The following B3GNT5 variants were observed in gnomAD, a reference collection of about 807,000 sequenced individuals.
The protein encoded by B3GNT5 is lactosylceramide 1,3-N-acetyl-beta-D-glucosaminyltransferase.
A neutral mutation model predicts 25.9 loss-of-function variants in B3GNT5; 11 were observed. The ratio of observed to expected loss-of-function variants is 0.42; its 90% CI spans 0.27 to 0.70. The LOEUF is 0.70. B3GNT5 is among the 30% of genes least tolerant of loss of function. The pLI, the probability that B3GNT5 is intolerant of heterozygous loss-of-function variation, is 0.23. For missense variants in B3GNT5, 385 were observed against 458.4 expected, an observed-to-expected ratio of 0.84 and a Z score of 1.46; for synonymous variants, 166 against 158.6, an observed-to-expected ratio of 1.05 and a Z score of -0.35.
At chr3:183,259,477 T>C (rs979510144) in intron 1 of B3GNT5, among the ~76,000 whole-genome samples, 2 of 152,194 alleles carry the variant, frequency 1.3e-5, no homozygotes, top group Admixed American at 1.3e-4. Context: ...TCATCAGGTT[T>C]ACTTCTTACG....
Position 183,272,650 on chromosome 3 carries a change from T to C in B3GNT5, c.*1715T>C, listed in dbSNP as rs541750476. The C allele has an allele frequency of 1.1e-5, 11 of 1,002,192 alleles. No individual in the cohort carries two copies. The highest frequency in any genetic ancestry group is 1.1e-4 in the East Asian group (1 of 8,882). The allele number at this position is 1,002,192 out of a possible 1,614,324, so 62.1% of individuals were successfully genotyped here. On this transcript the variant is annotated 3_prime_UTR_variant, in exon 2 of 2. Transcript: ENST00000326505. ...TACTTTCAGAGTAGATACAGGGTTTTAGATCATTACAGTTTAAGTTTTCTG... is the reference window on the plus strand; with the variant it reads ...TACTTTCAGAGTAGATACAGGGTTTCAGATCATTACAGTTTAAGTTTTCTG...
chr3:183,271,109 C>A lies in B3GNT5; in HGVS notation c.*174C>A. 1 of 528,990 alleles carries A rather than the reference C, an allele frequency of 1.9e-6. No homozygotes were observed. 32.8% of individuals were successfully genotyped at this position (528,990 alleles called of 1,614,324 possible). ...GAAGCTGTTTAATATCACTTATCTA[C>A]TTCATTGCCTAAGTTCATTTCAAAG... On this transcript the variant is annotated 3_prime_UTR_variant, in exon 2 of 2. Coordinates refer to ENST00000326505, the MANE Select transcript of B3GNT5 (RefSeq NM_032047.5).
intron 1 of B3GNT5, among the ~76,000 whole-genome samples, chr3:183,268,825 G>C (rs1726418575): frequency 6.6e-6 from 1 of 152,196 alleles, no homozygotes. Context: ...TACAAAGGCA[G>C]TGCTTGTTGG....
rs575811988 is a variant in B3GNT5 at position 183,255,929 on chromosome 3, G to A, written c.-302+2457G>A. ...ATGGGTCACTTTGGCTAGAATCATT[G>A]CACTTGGTGACTTTCACATTGTAAA... is the stretch of plus-strand genomic sequence containing the variant. On this transcript the variant is annotated intron_variant, in intron 1 of 1. Coordinates refer to ENST00000326505, the MANE Select transcript of B3GNT5 (RefSeq NM_032047.5). Among the ~76,000 whole-genome samples the A allele has an allele frequency of 9.2e-5, 14 of 152,154 alleles. No homozygotes were observed. The South Asian group carries it at 2.7e-3, about 29-fold the overall frequency.
intron 1 of B3GNT5, among the ~76,000 whole-genome samples, chr3:183,258,979 C>A (rs549700818): frequency 6.6e-6 from 1 of 152,174 alleles, no homozygotes; most frequent in African/African-American, 2.4e-5. Context: ...TTGTTTAGTG[C>A]ATAATGACAA....
At position 183,269,717 on chromosome 3, in the gene B3GNT5, T is replaced by A; in HGVS notation, c.-82T>A. 1 of 1,293,430 alleles carries A rather than the reference T, an allele frequency of 7.7e-7. No individual in the cohort carries two copies. Among genetic ancestry groups the A allele is most frequent in the Non-Finnish European group, 1.1e-6 (1 of 933,618 alleles). The allele number at this position is 1,293,430 out of a possible 1,614,324, so 80.1% of individuals were successfully genotyped here. On this transcript the variant is annotated 5_prime_UTR_variant, in exon 2 of 2. Transcript: ENST00000326505. The stretch of plus-strand genomic sequence containing the variant: ...CATGTATTAAGATGGACACCTACTC[T>A]ACGAAACACGAAGTTCTATGGTCTC...
In B3GNT5 at chr3:183,269,795, G is replaced by T; in HGVS notation, c.-4G>T. On this transcript the variant is annotated 5_prime_UTR_variant, in exon 2 of 2. Coordinates refer to ENST00000326505, the MANE Select transcript of B3GNT5 (RefSeq NM_032047.5). ...ATCCTAACTAAAAACAGACTTGAGT[G>T]GATATGAGAATGTTGGTTAGTGGCA... 6.3e-7 allele frequency: 1 copy of T among 1,597,308 alleles called. No individual in the cohort carries two copies. Among genetic ancestry groups the T allele is most frequent in the South Asian group, 1.1e-5 (1 of 87,294 alleles).
rs1726689140 is a variant in B3GNT5, at chr3:183,270,693, G to A, written c.895G>A (p.Asp299Asn). 1 of 1,613,844 alleles carries A rather than the reference G, an allele frequency of 6.2e-7. No homozygotes were observed. Among genetic ancestry groups the A allele is most frequent in the Non-Finnish European group, 8.5e-7 (1 of 1,179,928 alleles). Residue 299 changes from aspartate to asparagine, a missense_variant, in exon 2 of 2, where the codon GAC becomes AAC. Physicochemically the swap from Asp to Asn is conservative, Grantham distance 23 (BLOSUM62 1). Coordinates refer to ENST00000326505, the MANE Select transcript of B3GNT5 (RefSeq NM_032047.5). The surrounding 1 kb of genome is among the most constrained non-coding windows in gnomAD (Gnocchi z 4.5). Reference sequence around the variant, plus strand: ...CAATAAAATAGGGATAGTACCGCAGGACCATGTGTTTTTTTCTGGAGAGGG... The same window carrying A: ...CAATAAAATAGGGATAGTACCGCAGAACCATGTGTTTTTTTCTGGAGAGGG... ...CANKIGIVPQDHVFFSGEGKT... is the reference protein window; with the variant it reads ...CANKIGIVPQNHVFFSGEGKT...
In B3GNT5 at chr3:183,270,132, G is replaced by C. The variant is rs751850381; in HGVS notation, c.334G>C (p.Gly112Arg). 1 of 1,614,062 alleles carries C rather than the reference G, an allele frequency of 6.2e-7. No individual in the cohort carries two copies. ...ACGTTCCGGAATTAGAAGGACGTGG[G>C]GCAATGAAAATTATGTTCGGTCTCA... ...DRRSGIRRTW[G>R]NENYVRSQLN... The change falls in exon 2 of 2, where the codon GGC becomes CGC. Residue 112 changes from glycine to arginine, a missense_variant. Transcript: ENST00000326505. The surrounding 1 kb of genome is among the most constrained non-coding windows in gnomAD (Gnocchi z 4.5).
intron 1 of B3GNT5, among the ~76,000 whole-genome samples, chr3:183,264,051 C>G (rs1211564690): frequency 6.6e-6 from 1 of 152,080 alleles, no homozygotes; most frequent in Non-Finnish European, 1.5e-5. Context: ...CCAGTTTAAT[C>G]CCTCTTGCTC....
Position 183,263,899 on chromosome 3 carries a change from C to G in B3GNT5, c.-301-5599C>G, listed in dbSNP as rs573403373. ...TAGGTCTTTGATTTTCTTGAAAGGGCCTTCTTTATGCCTTCCTTCCGTCCC... is the reference window on the plus strand; with the variant it reads ...TAGGTCTTTGATTTTCTTGAAAGGGGCTTCTTTATGCCTTCCTTCCGTCCC... On this transcript the variant is annotated intron_variant, in intron 1 of 1. Coordinates refer to ENST00000326505, the MANE Select transcript of B3GNT5 (RefSeq NM_032047.5). 2.0e-5 allele frequency among the ~76,000 whole-genome samples: 3 copies of G among 152,230 alleles called. No homozygotes were observed. The East Asian group carries it at 5.8e-4, about 29-fold the overall frequency.
Position 183,272,119 on chromosome 3 carries a change from AG to A in B3GNT5, c.*1185del. The A allele has an allele frequency of 1.0e-6, 1 of 998,430 alleles. No homozygotes were observed. Among genetic ancestry groups the A allele is most frequent in the Non-Finnish European group, 1.2e-6 (1 of 828,274 alleles). The allele number at this position is 998,430 out of a possible 1,614,324, so 61.8% of individuals were successfully genotyped here. On this transcript the variant is annotated 3_prime_UTR_variant, in exon 2 of 2. Transcript: ENST00000326505. ...AAACAGAGTAAAAAAGTGATAGAAAAGTTGCCAGTTTGGGGTTAAAGCATTT... is the reference window on the plus strand; with the variant it reads ...AAACAGAGTAAAAAAGTGATAGAAAATTGCCAGTTTGGGGTTAAAGCATTT...
chr3:183,259,013 C>A (rs1350982025), intron 1 of B3GNT5, among the ~76,000 whole-genome samples: 1 of 152,200 alleles, frequency 6.6e-6, no homozygotes, highest in Non-Finnish European at 1.5e-5. Context: ...ATGTTCAGTA[C>A]AGACACGACC....
chr3:183,257,231 A>C (rs1414142866), intron 1 of B3GNT5, among the ~76,000 whole-genome samples: 1 of 152,214 alleles, frequency 6.6e-6, no homozygotes, highest in Admixed American at 6.5e-5. Flanking sequence ...AGACAAGTCG[A>C]GCTCATGTGA....
Position 183,271,124 on chromosome 3 carries a change from T to C in B3GNT5, c.*189T>C, listed in dbSNP as rs1726738482. The C allele has an allele frequency of 4.1e-6, 2 of 486,298 alleles. No homozygotes were observed. Among genetic ancestry groups the C allele is most frequent in the Admixed American group, 4.0e-5 (1 of 24,902 alleles). The allele number at this position is 486,298 out of a possible 1,614,324, so 30.1% of individuals were successfully genotyped here. On this transcript the variant is annotated 3_prime_UTR_variant, in exon 2 of 2. Coordinates refer to ENST00000326505, the MANE Select transcript of B3GNT5 (RefSeq NM_032047.5). ...CACTTATCTACTTCATTGCCTAAGT[T>C]CATTTCAAAGAATTTGTATTTAGAA...
chr3:183,269,230 C>CTTTTTTTGTTTTTT (rs1726470167), intron 1 of B3GNT5, among the ~76,000 whole-genome samples: 1 of 81,030 alleles, frequency 1.2e-5, no homozygotes, highest in African/African-American at 6.4e-5. Context: ...GTTTGGGAAG[C>CTTTTTTTGTTTTTT]TTTTTTTTTT....
Position 183,269,664 on chromosome 3 carries a change from TAAG to T in B3GNT5, c.-130_-128del, listed in dbSNP as rs570132451. 2.9e-4 allele frequency: 223 copies of T among 779,366 alleles called. 7 individuals carry two copies. In the South Asian group the frequency reaches 4.5e-3, roughly 16 times the overall value. 48.3% of individuals were successfully genotyped at this position (779,366 alleles called of 1,614,324 possible). A position where few individuals can be genotyped will look rare whatever the true frequency, so the allele number is the denominator to read the frequency against. On this transcript the variant is annotated 5_prime_UTR_variant, in exon 2 of 2. Transcript: ENST00000326505. Reference sequence around the variant, plus strand: ...GACTAAAAGAAACTATTTTGTAAAATAAGAAGACTTCCATTTTTAATGACCAAC... The same window carrying T: ...GACTAAAAGAAACTATTTTGTAAAATAAGACTTCCATTTTTAATGACCAAC...
At position 183,271,083 on chromosome 3, in the gene B3GNT5, A is replaced by G. The variant is rs1013027680; in HGVS notation, c.*148A>G. The G allele has an allele frequency of 9.9e-6, 7 of 709,704 alleles. No homozygotes were observed. Among genetic ancestry groups the G allele is most frequent in the Non-Finnish European group, 1.5e-5 (7 of 454,644 alleles). 44.0% of individuals were successfully genotyped at this position (709,704 alleles called of 1,614,324 possible). Reference sequence around the variant, plus strand: ...TCCATCAGAATGTTTCTTTGATTCTAGAAGCTGTTTAATATCACTTATCTA... The same window carrying G: ...TCCATCAGAATGTTTCTTTGATTCTGGAAGCTGTTTAATATCACTTATCTA... On this transcript the variant is annotated 3_prime_UTR_variant, in exon 2 of 2. Transcript: ENST00000326505.
At chr3:183,256,861 C>T (rs535666208) in intron 1 of B3GNT5, among the ~76,000 whole-genome samples, 1 of 152,068 alleles carries the variant, frequency 6.6e-6, no homozygotes, top group East Asian at 1.9e-4. Flanking sequence ...ACCGTTATTC[C>T]ATTAATGGAA....
Sources: allele counts gnomAD v4.1 joint callset (sites outside exome capture counted in the v4.1 genomes callset), GRCh38; gene constraint gnomAD v4.1.1; non-coding constraint Gnocchi (gnomAD v3.1); transcripts MANE v1.5; gene names NCBI Gene and HGNC (gene_info 2026-07-23, HGNC 2026-07-21).